The following MB21D2 variants were observed in gnomAD, a reference collection of about 807,000 sequenced individuals.
The protein encoded by MB21D2 is Mab-21 domain containing 2.
Under a neutral mutation model 33.3 loss-of-function variants are expected in MB21D2, and 9 were observed. The observed-to-expected ratio is 0.27, with a 90% CI of 0.16 to 0.47. MB21D2 has a LOEUF of 0.47. Ranked by LOEUF, MB21D2 falls within the 20% of genes least tolerant of loss-of-function variation. The pLI, the probability that MB21D2 is intolerant of heterozygous loss-of-function variation, is 0.99. For synonymous variants in MB21D2, 241 were observed against 236.3 expected (o/e 1.02, Z -0.18); for missense variants, 540 against 624.6 (o/e 0.86, Z 1.44).
At chr3:192,886,951 T>A (rs1397991149) in intron 1 of MB21D2, among the ~76,000 whole-genome samples, 2 of 151,578 alleles carry the variant, frequency 1.3e-5, no homozygotes, top group Non-Finnish European at 2.9e-5. Context: ...AATTACAAAG[T>A]CTTCATTTAA....
At chr3:192,823,654 T>A (rs1341691338) in intron 1 of MB21D2, among the ~76,000 whole-genome samples, 4 of 150,944 alleles carry the variant, frequency 2.6e-5, no homozygotes, top group African/African-American at 9.7e-5. Flanking sequence ...GAACTCCATT[T>A]AAAAAAAAAC....
intron 1 of MB21D2, among the ~76,000 whole-genome samples, chr3:192,908,396 CTTCT>C (rs1334658464): frequency 2.1e-5 from 3 of 145,910 alleles, no homozygotes; most frequent in African/African-American, 8.0e-5. Context: ...GGTAAATTTT[CTTCT>C]TTTTTTTTTT....
intron 1 of MB21D2, among the ~76,000 whole-genome samples, chr3:192,808,933 G>A (rs1415164466): frequency 1.3e-5 from 2 of 152,262 alleles, no homozygotes; most frequent in African/African-American, 4.8e-5. Context: ...CAAAAGAAGA[G>A]CTGAGTTTAT....
chr3:192,838,860 G>T (rs1290515293), intron 1 of MB21D2, among the ~76,000 whole-genome samples: 1 of 152,204 alleles, frequency 6.6e-6, no homozygotes, highest in South Asian at 2.1e-4. Context: ...AGGGATAGAA[G>T]AGAGAACCCA....
At chr3:192,868,860 T>C (rs1233981767) in intron 1 of MB21D2, among the ~76,000 whole-genome samples, 2 of 152,150 alleles carry the variant, frequency 1.3e-5, no homozygotes, top group Non-Finnish European at 2.9e-5. Context: ...AAGCAAACTA[T>C]CATACAAAGC....
intron 1 of MB21D2, among the ~76,000 whole-genome samples, chr3:192,890,016 ATTTCTGAAACTACAGCTAGG>A (rs1367877294): frequency 6.6e-6 from 1 of 152,128 alleles, no homozygotes; most frequent in Non-Finnish European, 1.5e-5. Flanking sequence ...GTCTAATGCC[ATTTCTGAAACTACAGCTAGG>A]CAGAAAAAAC....
intron 1 of MB21D2, among the ~76,000 whole-genome samples, chr3:192,891,823 T>C (rs1713858891): frequency 6.6e-6 from 1 of 152,048 alleles, no homozygotes; most frequent in Non-Finnish European, 1.5e-5. Flanking sequence ...ATAGAGGTGA[T>C]GGGAAGCCCT....
At chr3:192,879,231 C>T (rs548594724) in intron 1 of MB21D2, among the ~76,000 whole-genome samples, 123 of 152,310 alleles carry the variant, frequency 8.1e-4, no homozygotes, top group African/African-American at 2.6e-3. Flanking sequence ...CTGCCTCCAG[C>T]GGTACTTTAT....
intron 1 of MB21D2, among the ~76,000 whole-genome samples, chr3:192,819,899 TG>T (rs1712007094): frequency 6.6e-6 from 1 of 152,220 alleles, no homozygotes; most frequent in South Asian, 2.1e-4. Context: ...GCTCCTGCTC[TG>T]GGGACAAGCT....
intron 1 of MB21D2, among the ~76,000 whole-genome samples, chr3:192,830,289 G>A (rs554494966): frequency 6.6e-6 from 1 of 151,586 alleles, no homozygotes; most frequent in African/African-American, 2.4e-5. Flanking sequence ...AGGGAGAGAG[G>A]AGAAAAAAGA....
chr3:192,833,951 A>G (rs1284942318), intron 1 of MB21D2, among the ~76,000 whole-genome samples: 1 of 152,162 alleles, frequency 6.6e-6, no homozygotes, highest in African/African-American at 2.4e-5. Context: ...TGACACTCAC[A>G]ATATGGCATC....
intron 1 of MB21D2, among the ~76,000 whole-genome samples, chr3:192,818,605 C>T (rs1469443654): frequency 5.3e-5 from 8 of 152,170 alleles, no homozygotes; most frequent in Non-Finnish European, 1.0e-4. Flanking sequence ...CTTTTCCTTA[C>T]AATCCATCAA....
intron 1 of MB21D2, among the ~76,000 whole-genome samples, chr3:192,840,950 A>C (rs1191385141): frequency 6.6e-6 from 1 of 152,188 alleles, no homozygotes; most frequent in African/African-American, 2.4e-5. Flanking sequence ...TAGAAAGCAA[A>C]ATCAGCATAC....
chr3:192,884,435 A>C (rs7623181), intron 1 of MB21D2, among the ~76,000 whole-genome samples: 105,698 of 151,172 alleles, frequency 0.7, 38,419 homozygotes, highest in African/African-American at 0.91. Context: ...GGCGCGATCT[A>C]GGCTCACTGC....
intron 1 of MB21D2, among the ~76,000 whole-genome samples, chr3:192,881,681 C>A (rs1188665030): frequency 1.3e-5 from 2 of 152,088 alleles, no homozygotes; most frequent in African/African-American, 4.8e-5. Flanking sequence ...ATAAGCTATT[C>A]GGTACCTGTG....
chr3:192,800,601 C>A (rs1577165299), intron 1 of MB21D2, among the ~76,000 whole-genome samples: 1 of 152,210 alleles, frequency 6.6e-6, no homozygotes, highest in East Asian at 1.9e-4. Flanking sequence ...TATTGAATCT[C>A]AACCTCTGAG....
chr3:192,823,034 T>C (rs1712094353), intron 1 of MB21D2, among the ~76,000 whole-genome samples: 1 of 152,182 alleles, frequency 6.6e-6, no homozygotes, highest in African/African-American at 2.4e-5. Context: ...ACGGATATGA[T>C]AAAATATAAT....
At position 192,810,788 on chromosome 3, in the gene MB21D2, T is replaced by A. The variant is rs572642886; in HGVS notation, c.212-11138A>T. On this transcript the variant is annotated intron_variant, in intron 1 of 1. Transcript: ENST00000392452. The stretch of plus-strand genomic sequence containing the variant: ...GACATTTGTCTAAAGACTTTTTAAG[T>A]ATAACCACCATTCTCATATCTAAAC... 2.0e-3 allele frequency among the ~76,000 whole-genome samples: 307 copies of A among 152,370 alleles called. 2 individuals are homozygous for A. In the South Asian group the frequency reaches 0.023, roughly 11 times the overall value.
chr3:192,841,444 C>T (rs768374287), intron 1 of MB21D2, among the ~76,000 whole-genome samples: 28 of 152,238 alleles, frequency 1.8e-4, no homozygotes, highest in Non-Finnish European at 3.5e-4. Flanking sequence ...AGTCTTTTGT[C>T]TGTCTGTCTT....
Sources: gnomAD v4.1 joint callset for allele counts (sites outside exome capture counted in the v4.1 genomes callset) on GRCh38, gnomAD v4.1.1 for gene constraint, MANE v1.5 for transcripts, NCBI Gene and HGNC (gene_info 2026-07-23, HGNC 2026-07-21) for gene names.